PDE4D: variants seen among roughly 807,000 people sequenced by gnomAD.
PDE4D encodes the protein phosphodiesterase 4D, also known as 3',5'-cyclic-AMP phosphodiesterase 4D.
PDE4D carries 24 observed loss-of-function variants against 87.4 expected under a neutral mutation model. The ratio of observed to expected loss-of-function variants is 0.27; its 90% CI spans 0.20 to 0.39. The LOEUF is 0.39. Among genes scored for constraint, PDE4D ranks in the 10% least tolerant of loss-of-function variants. The pLI, the probability that PDE4D is intolerant of heterozygous loss-of-function variation, is 1.00. For synonymous variants in PDE4D, 384 were observed against 383.2 expected (o/e 1.00, Z -0.02); for missense variants, 714 against 1,041.0 (o/e 0.69, Z 4.32).
intron 1 of PDE4D, among the ~76,000 whole-genome samples, chr5:59,220,307 G>A (rs1275038827): frequency 1.4e-5 from 2 of 143,870 alleles, no homozygotes; most frequent in Non-Finnish European, 3.0e-5. Flanking sequence ...CTTCAGACCA[G>A]GAGTTCAAGG....
At chr5:59,008,820 CA>C (rs1250875094) in intron 6 of PDE4D, among the ~76,000 whole-genome samples, 2 of 151,872 alleles carry the variant, frequency 1.3e-5, no homozygotes, top group African/African-American at 2.4e-5. Flanking sequence ...GTACAAAATG[CA>C]TATCAAATAA....
intron 1 of PDE4D, among the ~76,000 whole-genome samples, chr5:60,342,520 A>G (rs1391357498): frequency 1.3e-5 from 2 of 152,188 alleles, no homozygotes; most frequent in Non-Finnish European, 2.9e-5. Context: ...GCTGGGAACA[A>G]TAACTGACGT....
chr5:59,921,927 CA>C (rs1754712863), intron 3 of PDE4D, among the ~76,000 whole-genome samples: 1 of 152,142 alleles, frequency 6.6e-6, no homozygotes, highest in Non-Finnish European at 1.5e-5. Flanking sequence ...AGCTATATAT[CA>C]GTGAAAAAGG....
intron 5 of PDE4D, among the ~76,000 whole-genome samples, chr5:59,149,706 GTT>G (rs76421367): frequency 0.22 from 15,060 of 67,352 alleles, 840 homozygotes; most frequent in Middle Eastern, 0.33. Flanking sequence ...CTCTCCTCGA[GTT>G]TTTTTTTTTT....
intron 2 of PDE4D, among the ~76,000 whole-genome samples, chr5:60,045,283 T>C (rs1769075578): frequency 6.6e-6 from 1 of 151,972 alleles, no homozygotes; most frequent in South Asian, 2.1e-4. Context: ...GATGAGTAGG[T>C]TGTGAAAATT....
intron 1 of PDE4D, among the ~76,000 whole-genome samples, chr5:59,307,056 C>T (rs1167618114): frequency 1.1e-5 from 1 of 91,550 alleles, no homozygotes; most frequent in Non-Finnish European, 1.9e-5. Context: ...AATAATGCCG[C>T]ATATCTACAA....
chr5:59,937,861 G>A (rs1436862671), intron 3 of PDE4D, among the ~76,000 whole-genome samples: 1 of 152,168 alleles, frequency 6.6e-6, no homozygotes, highest in African/African-American at 2.4e-5. Flanking sequence ...TGGCTCAAGA[G>A]ACCATACTTA....
At chr5:59,179,745 G>A in intron 5 of PDE4D, 1 of 375,320 alleles carries the variant, frequency 2.7e-6, no homozygotes, top group East Asian at 9.3e-5. Context: ...TGAATCCAAT[G>A]ACGAATTGTT....
intron 6 of PDE4D, among the ~76,000 whole-genome samples, chr5:59,001,877 T>G (rs1292211162): frequency 1.3e-5 from 2 of 152,200 alleles, no homozygotes; most frequent in African/African-American, 4.8e-5. Flanking sequence ...CTATGACTCT[T>G]TCCTACCATT....
intron 1 of PDE4D, among the ~76,000 whole-genome samples, chr5:59,851,679 T>G (rs1453828263): frequency 6.6e-6 from 1 of 151,992 alleles, no homozygotes; most frequent in Non-Finnish European, 1.5e-5. Context: ...AAATCTGGGT[T>G]TAGAGGTCAG....
At chr5:60,481,757 T>A (rs924944845) in intron 1 of PDE4D, among the ~76,000 whole-genome samples, 1 of 152,182 alleles carries the variant, frequency 6.6e-6, no homozygotes, top group African/African-American at 2.4e-5. Context: ...GGACTACTTT[T>A]TCACTATAAG....
At chr5:60,120,099 G>A (rs980082340) in intron 2 of PDE4D, among the ~76,000 whole-genome samples, 2 of 152,134 alleles carry the variant, frequency 1.3e-5, no homozygotes, top group Admixed American at 6.5e-5. Flanking sequence ...ATGGAAAAAA[G>A]CATTGTTATG....
intron 5 of PDE4D, among the ~76,000 whole-genome samples, chr5:59,164,318 A>G (rs1418471015): frequency 6.6e-6 from 1 of 152,230 alleles, no homozygotes; most frequent in Non-Finnish European, 1.5e-5. Flanking sequence ...TTCCAATTCT[A>G]AAGATGATTC....
At chr5:60,369,941 C>T (rs768635105) in intron 1 of PDE4D, among the ~76,000 whole-genome samples, 3 of 152,188 alleles carry the variant, frequency 2.0e-5, no homozygotes, top group Non-Finnish European at 4.4e-5. Context: ...TATCCAAAAC[C>T]TTTCATGTAG....
chr5:59,571,372 G>A (rs1821818354), intron 1 of PDE4D, among the ~76,000 whole-genome samples: 1 of 152,116 alleles, frequency 6.6e-6, no homozygotes, highest in Admixed American at 6.5e-5. Context: ...TGCTTGTCTT[G>A]ATTGACGCTC....
rs545826045 is a variant in PDE4D at position 60,105,924 on chromosome 5, C to T, written c.42+79633G>A. Among the ~76,000 whole-genome samples the T allele has an allele frequency of 1.4e-4, 22 of 152,242 alleles. No individual in the cohort carries two copies. In the South Asian group the frequency reaches 2.1e-3, roughly 14 times the overall value. ...AAACATGCCAAATTGTAAAGACCAT[C>T]GATGCTAGGAAGAGACCGCATCAAC... On this transcript the variant is annotated intron_variant, in intron 2 of 16. Transcript: ENST00000502484.
At chr5:59,543,912 A>G (rs576321433) in intron 1 of PDE4D, among the ~76,000 whole-genome samples, 252 of 152,344 alleles carry the variant, frequency 1.7e-3, no homozygotes, top group African/African-American at 5.7e-3. Context: ...ATCTGAGTAT[A>G]GAATATACAG....
rs70975345 is a variant in PDE4D, at chr5:59,878,887, G to GTTTTTT, written c.455+14275_455+14280dup. 1.4e-3 allele frequency among the ~76,000 whole-genome samples: 99 copies of GTTTTTT among 71,748 alleles called. 13 individuals are homozygous for GTTTTTT. The highest frequency in any genetic ancestry group is 4.5e-3 in the African/African-American group (91 of 20,040). 47.1% of individuals were successfully genotyped at this position (71,748 alleles called of 152,430 possible). A position where few individuals can be genotyped will look rare whatever the true frequency, so the allele number is the denominator to read the frequency against. On this transcript the variant is annotated intron_variant, in intron 1 of 14. Coordinates refer to ENST00000340635, the MANE Select transcript of PDE4D (RefSeq NM_001104631.2). ...ATGGTCTACATATCTACCGAAGTAAGTTTTTTTTTTTTTTTTTTTTTTTTT... is the reference window on the plus strand; with the variant it reads ...ATGGTCTACATATCTACCGAAGTAAGTTTTTTTTTTTTTTTTTTTTTTTTTTTTTTT...
intron 1 of PDE4D, among the ~76,000 whole-genome samples, chr5:59,858,272 A>T (rs966610815): frequency 6.6e-6 from 1 of 151,988 alleles, no homozygotes; most frequent in African/African-American, 2.4e-5. Context: ...TCAAGTCTCA[A>T]CTATGGTGAT....
Sources: allele counts gnomAD v4.1 joint callset (sites outside exome capture counted in the v4.1 genomes callset), GRCh38; gene constraint gnomAD v4.1.1; transcripts MANE v1.5; gene names NCBI Gene and HGNC (gene_info 2026-07-23, HGNC 2026-07-21).